Variants in BNC2 observed in about 807,000 individuals in gnomAD.
BNC2 encodes the protein basonuclin zinc finger protein 2.
A neutral mutation model predicts 76.3 loss-of-function variants in BNC2; 20 were observed. The ratio of observed to expected loss-of-function variants is 0.26; its 90% CI spans 0.18 to 0.38. BNC2 has a LOEUF of 0.38. Among genes scored for constraint, BNC2 ranks in the 10% least tolerant of loss-of-function variants. The pLI is 1.00. For synonymous variants in BNC2, 582 were observed against 514.8 expected (o/e 1.13, Z -1.77); for missense variants, 1,382 against 1,399.8 (o/e 0.99, Z 0.20).
chr9:16,729,944 T>C (rs1420907381), intron 2 of BNC2, among the ~76,000 whole-genome samples: 1 of 152,048 alleles, frequency 6.6e-6, no homozygotes, highest in Admixed American at 6.6e-5. Context: ...TGTATCGCTT[T>C]GCCTGTGTGT....
At chr9:16,443,454 T>C (rs1265028662) in intron 5 of BNC2, among the ~76,000 whole-genome samples, 3 of 152,136 alleles carry the variant, frequency 2.0e-5, no homozygotes, top group Admixed American at 6.5e-5. Flanking sequence ...GAGAAACAGA[T>C]TGGATAGAAA....
chr9:16,753,520 C>T (rs1312247316), intron 1 of BNC2, among the ~76,000 whole-genome samples: 4 of 152,176 alleles, frequency 2.6e-5, no homozygotes. Context: ...ATAAATAGTG[C>T]TTAAATCTAC....
chr9:16,691,670 C>T (rs1329192207), intron 3 of BNC2, among the ~76,000 whole-genome samples: 1 of 151,374 alleles, frequency 6.6e-6, no homozygotes, highest in Non-Finnish European at 1.5e-5. Context: ...CCACCACGCC[C>T]AGCTAATTTT....
intron 5 of BNC2, among the ~76,000 whole-genome samples, chr9:16,462,892 C>A (rs1328070433): frequency 6.6e-6 from 1 of 152,164 alleles, no homozygotes; most frequent in African/African-American, 2.4e-5. Context: ...GCTGAAGTTT[C>A]TTCCCTTCAT....
rs1178789103 is a variant in BNC2, at chr9:16,418,755, C to T, written c.*234G>A. ...TGTTTTCACCCTGAAATCAAAGATC[C>T]CACTCCTTTCCCAAAACTATAAAGG... is the stretch of plus-strand genomic sequence containing the variant. On this transcript the variant is annotated 3_prime_UTR_variant, in exon 7 of 7. Coordinates refer to ENST00000380672, the MANE Select transcript of BNC2 (RefSeq NM_017637.6). The T allele has an allele frequency of 2.0e-6, 1 of 510,256 alleles. No individual in the cohort carries two copies. The highest frequency in any genetic ancestry group is 3.5e-6 in the Non-Finnish European group (1 of 285,176). 31.6% of individuals were successfully genotyped at this position (510,256 alleles called of 1,614,324 possible).
chr9:16,867,220 T>G (rs1049944253), intron 1 of BNC2: 4 of 152,018 alleles, frequency 2.6e-5, no homozygotes, highest in Admixed American at 6.6e-5. Flanking sequence ...TCTCAAAAAT[T>G]CAGGAAAAAA....
At chr9:16,652,296 A>C (rs1316923148) in intron 3 of BNC2, among the ~76,000 whole-genome samples, 1 of 152,202 alleles carries the variant, frequency 6.6e-6, no homozygotes, top group Admixed American at 6.5e-5. Context: ...ACTCAATACT[A>C]CACAGAGATC....
intron 1 of BNC2, among the ~76,000 whole-genome samples, chr9:16,789,913 G>A (rs1190222605): frequency 1.3e-5 from 2 of 152,198 alleles, no homozygotes; most frequent in African/African-American, 4.8e-5. Flanking sequence ...ACTTACAAGA[G>A]TGCCTACTTG....
intron 1 of BNC2, among the ~76,000 whole-genome samples, chr9:16,758,970 A>C (rs1272060411): frequency 6.6e-6 from 1 of 152,210 alleles, no homozygotes; most frequent in African/African-American, 2.4e-5. Flanking sequence ...CTACGGTCAA[A>C]GTTCATGTTT....
Position 16,820,203 on chromosome 9 carries a change from A to C in BNC2, c.3+50443T>G, listed in dbSNP as rs529932016. On this transcript the variant is annotated intron_variant, in intron 1 of 6. Transcript: ENST00000380672. Reference sequence around the variant, plus strand: ...CACTTTGGGAGGCCGAGGCAGGTGGATCACCTAAGGTCAGAAGTTCAAGAC... The same window carrying C: ...CACTTTGGGAGGCCGAGGCAGGTGGCTCACCTAAGGTCAGAAGTTCAAGAC... 4.4e-3 allele frequency among the ~76,000 whole-genome samples: 667 copies of C among 150,632 alleles called. 6 individuals are homozygous for C. Among genetic ancestry groups the C allele is most frequent in the African/African-American group, 0.016 (637 of 40,862 alleles).
chr9:16,576,771 C>T (rs1819497145), intron 4 of BNC2, among the ~76,000 whole-genome samples: 1 of 152,180 alleles, frequency 6.6e-6, no homozygotes, highest in Non-Finnish European at 1.5e-5. Context: ...TGGAGTCTCG[C>T]TCTGTCGCCA....
intron 1 of BNC2, among the ~76,000 whole-genome samples, chr9:16,806,378 G>GA (rs985748441): frequency 1.3e-5 from 2 of 151,396 alleles, no homozygotes; most frequent in Admixed American, 1.3e-4. Flanking sequence ...TTCTAAAAAA[G>GA]AAAAAAGAAA....
In BNC2 at chr9:16,418,686, G is replaced by A. The variant is rs138293078; in HGVS notation, c.*303C>T. ...ACACTGTGTGTGTGTGTGTGTGTGTGTGTGTATGTGCATGTGTGTGTGTGT... is the reference window on the plus strand; with the variant it reads ...ACACTGTGTGTGTGTGTGTGTGTGTATGTGTATGTGCATGTGTGTGTGTGT... On this transcript the variant is annotated 3_prime_UTR_variant, in exon 7 of 7. Transcript: ENST00000380672. 7.5e-3 allele frequency: 2,480 copies of A among 330,484 alleles called. 45 individuals are homozygous for A. Among genetic ancestry groups the A allele is most frequent in the African/African-American group, 0.045 (1,863 of 41,840 alleles). 20.5% of individuals were successfully genotyped at this position (330,484 alleles called of 1,614,324 possible). A position where few individuals can be genotyped will look rare whatever the true frequency, so the allele number is the denominator to read the frequency against.
intron 4 of BNC2, among the ~76,000 whole-genome samples, chr9:16,579,041 G>C (rs1341701960): frequency 1.3e-5 from 2 of 152,124 alleles, no homozygotes; most frequent in Admixed American, 1.3e-4. Flanking sequence ...TCTATTATCA[G>C]AGTGAAAGAG....
chr9:16,633,938 T>C (rs1286859492), intron 3 of BNC2, among the ~76,000 whole-genome samples: 1 of 152,210 alleles, frequency 6.6e-6, no homozygotes, highest in African/African-American at 2.4e-5. Flanking sequence ...GCTAAAATAA[T>C]GCTTACTCTA....
chr9:16,746,295 C>A (rs984229132), intron 1 of BNC2, among the ~76,000 whole-genome samples: 1 of 152,050 alleles, frequency 6.6e-6, no homozygotes, highest in African/African-American at 2.4e-5. Flanking sequence ...CCATGTTGAA[C>A]CTGACTGCAA....
At chr9:16,748,811 C>G (rs890706722) in intron 1 of BNC2, among the ~76,000 whole-genome samples, 3 of 131,938 alleles carry the variant, frequency 2.3e-5, no homozygotes, top group Non-Finnish European at 4.7e-5. Flanking sequence ...CCACTGCACT[C>G]CAGCCTGGGC....
chr9:16,615,343 T>C (rs1478028965), intron 3 of BNC2, among the ~76,000 whole-genome samples: 2 of 152,288 alleles, frequency 1.3e-5, no homozygotes, highest in African/African-American at 4.8e-5. Flanking sequence ...ATATGGCACC[T>C]TGACATACTG....
intron 5 of BNC2, among the ~76,000 whole-genome samples, chr9:16,465,560 G>A (rs977586591): frequency 6.6e-6 from 1 of 151,830 alleles, no homozygotes; most frequent in African/African-American, 2.4e-5. Flanking sequence ...CAATTATTGG[G>A]TCACAATTGT....
Sources: allele counts gnomAD v4.1 joint callset (sites outside exome capture counted in the v4.1 genomes callset), GRCh38; gene constraint gnomAD v4.1.1; transcripts MANE v1.5; gene names NCBI Gene and HGNC (gene_info 2026-07-23, HGNC 2026-07-21).